The following ALPK2 variants were observed in gnomAD, a reference collection of about 807,000 sequenced individuals.
ALPK2 encodes the protein alpha kinase 2.
A neutral mutation model predicts 163.1 loss-of-function variants in ALPK2; 127 were observed. That is an observed-to-expected ratio of 0.78 (90% CI 0.67 to 0.90). ALPK2 has a LOEUF of 0.90. Ranked by LOEUF, ALPK2 falls within the 40% of genes least tolerant of loss-of-function variation. The probability of loss-of-function intolerance (pLI) is 0.00; values close to 1 mark genes in which losing one functional copy is unlikely to be tolerated. For missense variants in ALPK2, 2,360 were observed against 2,589.6 expected (o/e 0.91, Z 1.92); for synonymous variants, 953 against 959.1 (o/e 0.99, Z 0.12).
intron 4 of ALPK2, chr18:58,543,448 G>A: frequency 1.0e-6 from 1 of 975,742 alleles, no homozygotes; most frequent in Non-Finnish European, 1.2e-6. Context: ...GGCTTTAAGA[G>A]CTGGGGGCCA....
At chr18:58,571,975 C>CAAAAA (rs35927788) in intron 4 of ALPK2, among the ~76,000 whole-genome samples, 7 of 66,598 alleles carry the variant, frequency 1.1e-4, no homozygotes, top group African/African-American at 2.6e-4. Flanking sequence ...GACTCCATCT[C>CAAAAA]AAAAAAAAAA....
intron 12 of ALPK2, among the ~76,000 whole-genome samples, chr18:58,482,243 C>T (rs1479205779): frequency 2.6e-5 from 4 of 152,108 alleles, no homozygotes; most frequent in Non-Finnish European, 5.9e-5. Flanking sequence ...CAAAGATCTG[C>T]TGGCACATAC....
At chr18:58,614,172 G>A (rs1352803866) in intron 1 of ALPK2, among the ~76,000 whole-genome samples, 1 of 152,176 alleles carries the variant, frequency 6.6e-6, no homozygotes, top group South Asian at 2.1e-4. Context: ...AAGTGACATG[G>A]TGGCACTGAA....
At chr18:58,492,741 A>G (rs1264973399) in intron 12 of ALPK2, among the ~76,000 whole-genome samples, 1 of 152,210 alleles carries the variant, frequency 6.6e-6, no homozygotes, top group African/African-American at 2.4e-5. Flanking sequence ...ACAACTAGGG[A>G]ATAGGGTCAG....
chr18:58,516,349 A>G (rs1220983030), intron 9 of ALPK2, among the ~76,000 whole-genome samples: 1 of 152,176 alleles, frequency 6.6e-6, no homozygotes, highest in Admixed American at 6.5e-5. Flanking sequence ...ACTCAATAAC[A>G]CAGAGAAGTG....
At chr18:58,483,179 A>G (rs938095994) in intron 12 of ALPK2, among the ~76,000 whole-genome samples, 5 of 152,234 alleles carry the variant, frequency 3.3e-5, no homozygotes, top group Non-Finnish European at 7.3e-5. Flanking sequence ...TTTGCCTTCA[A>G]CATGAATCCC....
chr18:58,504,645 C>T (rs926793623), intron 10 of ALPK2, among the ~76,000 whole-genome samples: 6 of 152,102 alleles, frequency 3.9e-5, no homozygotes, highest in East Asian at 1.9e-4. Context: ...ATAAAGAAAA[C>T]GGAGGCTGTG....
At chr18:58,522,262 T>C (rs1181718950) in intron 8 of ALPK2, among the ~76,000 whole-genome samples, 1 of 152,184 alleles carries the variant, frequency 6.6e-6, no homozygotes, top group Non-Finnish European at 1.5e-5. Context: ...TGATGTGTGA[T>C]GTCACACTGG....
At chr18:58,513,886 CAGAA>C (rs565620569) in intron 10 of ALPK2, among the ~76,000 whole-genome samples, 2 of 152,134 alleles carry the variant, frequency 1.3e-5, no homozygotes, top group African/African-American at 4.8e-5. Context: ...AAAAATAAAA[CAGAA>C]AGGAAAGAAA....
intron 4 of ALPK2, among the ~76,000 whole-genome samples, chr18:58,557,868 A>C (rs1429609280): frequency 2.6e-5 from 4 of 152,102 alleles, no homozygotes; most frequent in African/African-American, 9.7e-5. Context: ...GGATTCCTTG[A>C]GCTCAGGAGC....
chr18:58,512,752 TTGTG>T (rs1219781137), intron 10 of ALPK2, among the ~76,000 whole-genome samples: 1 of 142,966 alleles, frequency 7.0e-6, no homozygotes, highest in African/African-American at 2.6e-5. Flanking sequence ...GTGGTGTGTG[TTGTG>T]TGTATGTGTA....
intron 4 of ALPK2, among the ~76,000 whole-genome samples, chr18:58,560,572 C>T (rs891462334): frequency 6.6e-6 from 1 of 152,212 alleles, no homozygotes; most frequent in African/African-American, 2.4e-5. Context: ...GTGGGACCAC[C>T]TGGGTCAAAG....
rs541449628 is a variant in ALPK2, at chr18:58,498,370, A to T, written c.6248-273T>A. 3.3e-5 allele frequency among the ~76,000 whole-genome samples: 5 copies of T among 152,112 alleles called. No individual in the cohort carries two copies. The South Asian group carries it at 1.0e-3, about 32-fold the overall frequency. Reference sequence around the variant, plus strand: ...TCTGCCTGCCTGGCCCACCCACCCCATGACAAGGAGGGAGCTGGCCACTCT... The same window carrying T: ...TCTGCCTGCCTGGCCCACCCACCCCTTGACAAGGAGGGAGCTGGCCACTCT... On this transcript the variant is annotated intron_variant, in intron 11 of 12. Transcript: ENST00000361673.
chr18:58,498,060 C>T lies in ALPK2; in HGVS notation c.6285G>A (p.Thr2095=), dbSNP rs772229824. 1.2e-5 allele frequency: 20 copies of T among 1,613,980 alleles called. No homozygotes were observed. The highest frequency in any genetic ancestry group is 2.2e-5 in the East Asian group (1 of 44,896). Residue 2095 remains threonine, a synonymous_variant, in exon 12 of 13, where the codon ACG becomes ACA. Transcript: ENST00000361673. ...GMKLTDVGIA[T]LAKGYKGFKG... ...TTTTTCCTACTCACCCTTTAGCCAG[C>T]GTTGCTATGCCAACGTCAGTTAGCT...
Position 58,537,673 on chromosome 18 carries a change from T to C in ALPK2, c.2514A>G (p.Val838=). ...DKYSPQEICS[V]DTELAEGQNK... Reference sequence around the variant, plus strand: ...TTTGACCTTCTGCCAGTTCCGTATCTACAGAGCAAATTTCTTGAGGCGAAT... The same window carrying C: ...TTTGACCTTCTGCCAGTTCCGTATCCACAGAGCAAATTTCTTGAGGCGAAT... Residue 838 remains valine (V), a synonymous_variant, in exon 5 of 13, where the codon GTA becomes GTG. Coordinates refer to ENST00000361673, the MANE Select transcript of ALPK2 (RefSeq NM_052947.4). The C allele has an allele frequency of 6.2e-7, 1 of 1,614,098 alleles. No individual in the cohort carries two copies. The highest frequency in any genetic ancestry group is 2.2e-5 in the East Asian group (1 of 44,866).
At chr18:58,529,651 C>T (rs2051601976) in intron 5 of ALPK2, among the ~76,000 whole-genome samples, 1 of 152,136 alleles carries the variant, frequency 6.6e-6, no homozygotes. Flanking sequence ...CTGGATTATC[C>T]AAAAAACTAC....
chr18:58,516,999 T>C lies in ALPK2; in HGVS notation c.5849A>G (p.His1950Arg), dbSNP rs1457092535. Residue 1950 changes from histidine (H) to arginine (R), a missense_variant, in exon 9 of 13, where the codon CAT becomes CGT. By Grantham distance (29) the His-to-Arg change is conservative (BLOSUM62 0). Coordinates refer to ENST00000361673, the MANE Select transcript of ALPK2 (RefSeq NM_052947.4). ...ATTGTGCACCTTAAGCACACAGGCA[T>C]GGCCAGGTTTGAAGACAGGCATGAG... ...HGLMPVFKPG[H>R]ACVLKVHNAI... 2 of 1,614,104 alleles carry C rather than the reference T, an allele frequency of 1.2e-6. No homozygotes were observed. Among genetic ancestry groups the C allele is most frequent in the Non-Finnish European group, 1.7e-6 (2 of 1,180,032 alleles).
chr18:58,532,486 G>A (rs915580413), intron 5 of ALPK2, among the ~76,000 whole-genome samples: 6 of 152,118 alleles, frequency 3.9e-5, no homozygotes, highest in East Asian at 1.9e-4. Context: ...CTCCTGCTCC[G>A]TCACCAGATG....
rs768618719 is a variant in ALPK2, at chr18:58,537,710, G to T, written c.2477C>A (p.Pro826Gln). ...TTCTTGAGGCGAATATTTATCAACT[G>T]GTCTCCCAACAAGAGAATCTATGGT... ...FDTIDSLVGR[P>Q]VDKYSPQEIC... Residue 826 changes from proline to glutamine, a missense_variant, in exon 5 of 13, where the codon CCA becomes CAA. By Grantham distance (76) the Pro-to-Gln change is moderately conservative. Transcript: ENST00000361673. 3.7e-6 allele frequency: 6 copies of T among 1,613,954 alleles called. No homozygotes were observed. The African/African-American group carries it at 8.0e-5, about 22-fold the overall frequency.
Sources: allele counts gnomAD v4.1 joint callset (sites outside exome capture counted in the v4.1 genomes callset), GRCh38; gene constraint gnomAD v4.1.1; transcripts MANE v1.5; gene names NCBI Gene and HGNC (gene_info 2026-07-23, HGNC 2026-07-21).